ZNF845: variants seen among roughly 807,000 people sequenced by gnomAD.
ZNF845 encodes zinc finger protein 845.
Under a neutral mutation model 76.1 loss-of-function variants are expected in ZNF845, and 59 were observed. The observed-to-expected ratio is 0.78, with a 90% CI of 0.63 to 0.96. ZNF845 has a LOEUF of 0.96. Among genes scored for constraint, ZNF845 ranks in the 40% least tolerant of loss-of-function variants. The pLI is 0.00. For missense variants in ZNF845, 1,045 were observed against 1,172.8 expected (o/e 0.89, Z 1.59); for synonymous variants, 361 against 386.9 (o/e 0.93, Z 0.78).
At position 53,351,446 on chromosome 19, in the gene ZNF845, T is replaced by C. The variant is rs1423854543; in HGVS notation, c.771T>C (p.Tyr257=). The C allele has an allele frequency of 5.0e-6, 8 of 1,614,198 alleles. No homozygotes were observed. In the East Asian group the frequency reaches 1.6e-4, roughly 31 times the overall value. Residue 257 remains tyrosine, a synonymous_variant, in exon 4 of 4, where the codon TAT becomes TAC. Transcript: ENST00000458035. ...GCAAGGTCTTTAATCAAAAGCGATA[T>C]CTTGCATGTCATCGTAGATGTCACA... The part of the protein sequence containing the change: ...VCGKVFNQKR[Y]LACHRRCHTG...
intron 2 of ZNF845, among the ~76,000 whole-genome samples, chr19:53,344,543 G>GA (rs989377594): frequency 2.7e-5 from 4 of 148,580 alleles, no homozygotes; most frequent in South Asian, 2.1e-4. Context: ...GTCTCAAAAA[G>GA]AAAAAAAAAG....
intron 1 of ZNF845, among the ~76,000 whole-genome samples, chr19:53,337,970 G>A (rs2085227893): frequency 6.6e-6 from 1 of 152,098 alleles, no homozygotes; most frequent in Non-Finnish European, 1.5e-5. Context: ...CCGTGTGCTG[G>A]GATTACAGGC....
chr19:53,353,512 A>G lies in ZNF845; in HGVS notation c.2837A>G (p.Asn946Ser), dbSNP rs1488087463. The stretch of plus-strand genomic sequence containing the variant: ...ACTGGAGAGAAACCTTACAAGTGTA[A>G]TGAATGTGGCAAGGTTTTTAATCGA... ...IHTGEKPYKC[N>S]ECGKVFNRKA... Residue 946 changes from asparagine (N) to serine (S), a missense_variant, in exon 4 of 4, where the codon AAT (asparagine) becomes AGT (serine). Coordinates refer to ENST00000458035, the MANE Select transcript of ZNF845 (RefSeq NM_138374.3). 1.9e-6 allele frequency: 3 copies of G among 1,613,094 alleles called. No individual in the cohort carries two copies. Among genetic ancestry groups the G allele is most frequent in the East Asian group, 2.2e-5 (1 of 44,806 alleles).
chr19:53,351,490 A>G lies in ZNF845; in HGVS notation c.815A>G (p.Lys272Arg), dbSNP rs1313667622. ...RRCHTGKKPY[K>R]CNDCGKTFSQ... ...TGTCACACTGGCAAGAAACCTTACA[A>G]GTGTAATGATTGTGGCAAGACCTTC... Residue 272 changes from lysine (K) to arginine (R), a missense_variant, in exon 4 of 4, where the codon AAG becomes AGG. Transcript: ENST00000458035. The G allele has an allele frequency of 1.2e-6, 2 of 1,614,124 alleles. No homozygotes were observed. The highest frequency in any genetic ancestry group is 1.7e-6 in the Non-Finnish European group (2 of 1,180,040).
rs765201988 is a variant in ZNF845 at position 53,341,354 on chromosome 19, C to T, written c.15+32C>T. 8.7e-6 allele frequency: 14 copies of T among 1,613,466 alleles called. No homozygotes were observed. In the South Asian group the frequency reaches 1.5e-4, roughly 18 times the overall value. ...TGATATGTTGGGTGGATTGTTCTGTCTCCTTCCTCTCAGAAATCCTGGGCC... is the reference window on the plus strand; with the variant it reads ...TGATATGTTGGGTGGATTGTTCTGTTTCCTTCCTCTCAGAAATCCTGGGCC... On this transcript the variant is annotated intron_variant, in intron 2 of 3. Coordinates refer to ENST00000458035, the MANE Select transcript of ZNF845 (RefSeq NM_138374.3).
chr19:53,342,392 C>CA (rs1209516374), intron 2 of ZNF845, among the ~76,000 whole-genome samples: 71 of 152,180 alleles, frequency 4.7e-4, no homozygotes, highest in Admixed American at 1.0e-3. Context: ...GCTGGGATTA[C>CA]AGGCATGAGC....
chr19:53,346,402 G>A (rs1210522849), intron 3 of ZNF845: 4 of 425,006 alleles, frequency 9.4e-6, no homozygotes, highest in Admixed American at 2.6e-5. Flanking sequence ...AAAAATTCTC[G>A]TGCCCCAGTG....
chr19:53,338,502 G>A (rs1340308233), intron 1 of ZNF845, among the ~76,000 whole-genome samples: 1 of 151,850 alleles, frequency 6.6e-6, no homozygotes, highest in Non-Finnish European at 1.5e-5. Context: ...GACCTGAGGG[G>A]CATGAAGGAC....
At chr19:53,334,226 C>T (rs10420408) in intron 1 of ZNF845, among the ~76,000 whole-genome samples, 3,687 of 152,214 alleles carry the variant, frequency 0.024, 148 homozygotes, top group African/African-American at 0.084. Flanking sequence ...CCTGAGCCCG[C>T]GTTGGGGAGG....
Position 53,356,621 on chromosome 19 carries a change from A to G in ZNF845, c.*3033A>G, listed in dbSNP as rs929372924. 3 of 152,016 alleles carry G rather than the reference A, an allele frequency of 2.0e-5. No individual in the cohort carries two copies. Among genetic ancestry groups the G allele is most frequent in the African/African-American group, 7.2e-5 (3 of 41,388 alleles). The allele number at this position is 152,016 out of a possible 1,614,324, so 9.4% of individuals were successfully genotyped here. A position where few individuals can be genotyped will look rare whatever the true frequency, so the allele number is the denominator to read the frequency against. ...CCTTCCTTTTGTCTCTTTTCTCAGG[A>G]CGTTTATTTAGAAAATTTGTAAATG... On this transcript the variant is annotated 3_prime_UTR_variant, in exon 4 of 4. Transcript: ENST00000458035.
intron 1 of ZNF845, among the ~76,000 whole-genome samples, chr19:53,336,841 G>A (rs947508243): frequency 9.9e-5 from 15 of 151,998 alleles, no homozygotes; most frequent in Admixed American, 2.6e-4. Context: ...AATTAGTTGC[G>A]TCCAGTTCAG....
intron 1 of ZNF845, among the ~76,000 whole-genome samples, chr19:53,339,985 C>T (rs959420939): frequency 6.6e-6 from 1 of 152,178 alleles, no homozygotes; most frequent in Non-Finnish European, 1.5e-5. Flanking sequence ...TGGGTTCAAG[C>T]GATTCTCGTG....
Position 53,356,843 on chromosome 19 carries a change from G to GGC in ZNF845, c.*3257_*3258dup, listed in dbSNP as rs1250269250. The GGC allele has an allele frequency of 6.8e-6, 1 of 146,138 alleles. No individual in the cohort carries two copies. Among genetic ancestry groups the GGC allele is most frequent in the Admixed American group, 7.0e-5 (1 of 14,310 alleles). The allele number at this position is 146,138 out of a possible 1,614,324, so 9.1% of individuals were successfully genotyped here. A position where few individuals can be genotyped will look rare whatever the true frequency, so the allele number is the denominator to read the frequency against. On this transcript the variant is annotated 3_prime_UTR_variant, in exon 4 of 4. Coordinates refer to ENST00000458035, the MANE Select transcript of ZNF845 (RefSeq NM_138374.3). ...ACTCGGGAGGTTGAGGCAGGAGAAT[G>GGC]GCGTGAACCCAGGGGGGCGGAACCT... is the stretch of plus-strand genomic sequence containing the variant.
rs373345604 is a variant in ZNF845, at chr19:53,354,365, A to C, written c.*777A>C. 2 of 342,112 alleles carry C rather than the reference A, an allele frequency of 5.8e-6. No homozygotes were observed. Among genetic ancestry groups the C allele is most frequent in the Admixed American group, 4.4e-5 (1 of 22,602 alleles). The allele number at this position is 342,112 out of a possible 1,614,324, so 21.2% of individuals were successfully genotyped here. On this transcript the variant is annotated 3_prime_UTR_variant, in exon 4 of 4. Transcript: ENST00000458035. ...TTGAGTTCAAGCATTAATTGACATT[A>C]AAGTGTTTATGTTAAGAAGATTGGG...
At chr19:53,344,830 G>A (rs1015165303) in intron 2 of ZNF845, among the ~76,000 whole-genome samples, 1 of 151,754 alleles carries the variant, frequency 6.6e-6, no homozygotes, top group Non-Finnish European at 1.5e-5. Flanking sequence ...GTAGAAACGG[G>A]ATTTCTCCAT....
Position 53,351,665 on chromosome 19 carries a change from T to A in ZNF845, c.990T>A (p.Asn330Lys). Reference protein sequence around the residue: ...IHTGEKSYKCNECGKTFSQTS... With the variant: ...IHTGEKSYKCKECGKTFSQTS... ...CTGGAGAGAAATCTTACAAGTGTAA[T>A]GAATGTGGCAAGACCTTCAGTCAAA... The change falls in exon 4 of 4, where the codon AAT becomes AAA. Residue 330 changes from asparagine (N) to lysine (K), a missense_variant. Coordinates refer to ENST00000458035, the MANE Select transcript of ZNF845 (RefSeq NM_138374.3). The A allele has an allele frequency of 6.2e-7, 1 of 1,613,932 alleles. No individual in the cohort carries two copies.
intron 1 of ZNF845, chr19:53,337,115 C>T (rs770509625): frequency 1.8e-5 from 8 of 456,830 alleles, no homozygotes; most frequent in Middle Eastern, 3.2e-4. Flanking sequence ...TTGCCCTCAT[C>T]GCATGACTGT....
chr19:53,343,489 C>T (rs1599975681), intron 2 of ZNF845, among the ~76,000 whole-genome samples: 1 of 152,240 alleles, frequency 6.6e-6, no homozygotes, highest in East Asian at 1.9e-4. Flanking sequence ...TTAGATCTGA[C>T]AAGATTCCCC....
At chr19:53,348,269 AAAAC>A (rs2147042391) in intron 3 of ZNF845, among the ~76,000 whole-genome samples, 1 of 152,286 alleles carries the variant, frequency 6.6e-6, no homozygotes, top group Admixed American at 6.5e-5. Context: ...CTCAATCTCA[AAAAC>A]AAACAAAAAA....
Sources: allele counts gnomAD v4.1 joint callset (sites outside exome capture counted in the v4.1 genomes callset), GRCh38; gene constraint gnomAD v4.1.1; transcripts MANE v1.5; gene names NCBI Gene and HGNC (gene_info 2026-07-23, HGNC 2026-07-21).